FER: variants seen among roughly 807,000 people sequenced by gnomAD.
FER encodes tyrosine-protein kinase Fer.
A neutral mutation model predicts 111.0 loss-of-function variants in FER; 63 were observed. That is an observed-to-expected ratio of 0.57 (90% CI 0.46 to 0.70). FER has a LOEUF of 0.70. Ranked by LOEUF, FER falls within the 30% of genes least tolerant of loss-of-function variation. The probability of loss-of-function intolerance (pLI) is 0.00; values close to 1 mark genes in which losing one functional copy is unlikely to be tolerated. For synonymous variants in FER, 327 were observed against 313.9 expected (o/e 1.04, Z -0.44); for missense variants, 914 against 954.0 (o/e 0.96, Z 0.55).
At chr5:108,984,133 C>G (rs1762311087) in intron 13 of FER, among the ~76,000 whole-genome samples, 2 of 151,934 alleles carry the variant, frequency 1.3e-5, no homozygotes, top group African/African-American at 4.8e-5. Flanking sequence ...CTGTCCTTTC[C>G]TTTGCTTGTC....
In FER at chr5:109,193,600, G is replaced by A. The variant is rs2126913059; in HGVS notation, c.*6025G>A. ...AAGTGGAATGTTATGTTTTCGCTCAGCTGTATTCATTCAGAAAGTTTTTCT... is the reference window on the plus strand; with the variant it reads ...AAGTGGAATGTTATGTTTTCGCTCAACTGTATTCATTCAGAAAGTTTTTCT... On this transcript the variant is annotated 3_prime_UTR_variant, in exon 20 of 20. Coordinates refer to ENST00000281092, the MANE Select transcript of FER (RefSeq NM_005246.4). 6.6e-6 allele frequency: 1 copy of A among 152,276 alleles called. No homozygotes were observed. The highest frequency in any genetic ancestry group is 1.9e-4 in the East Asian group (1 of 5,188). 9.4% of individuals were successfully genotyped at this position (152,276 alleles called of 1,614,324 possible).
chr5:108,954,090 T>C (rs984472785), intron 11 of FER, among the ~76,000 whole-genome samples: 7 of 152,134 alleles, frequency 4.6e-5, no homozygotes, highest in African/African-American at 9.6e-5. Context: ...ATCTTTGCCA[T>C]GTGTTTGTAA....
chr5:109,103,931 ATTG>A, intron 17 of FER, among the ~76,000 whole-genome samples: 1 of 152,170 alleles, frequency 6.6e-6, no homozygotes, highest in East Asian at 1.9e-4. Flanking sequence ...GCTTTGTGCC[ATTG>A]TTCTTTGATA....
intron 3 of FER, among the ~76,000 whole-genome samples, chr5:108,817,822 C>G (rs964089419): frequency 6.6e-6 from 1 of 152,130 alleles, no homozygotes; most frequent in Non-Finnish European, 1.5e-5. Context: ...GTAGTTTTCT[C>G]TTTTTCAAAA....
Position 108,914,338 on chromosome 5 carries a change from C to G in FER, c.1236+16490C>G, listed in dbSNP as rs115935786. Among the ~76,000 whole-genome samples, 1,007 of 151,762 alleles carry G rather than the reference C, an allele frequency of 6.6e-3. 14 individuals are homozygous for G. The highest frequency in any genetic ancestry group is 0.023 in the African/African-American group (966 of 41,382). ...CTGGGAGAAGGAGGAGCTTTTTAAA[C>G]CATATATGCCATACTTACTTTTCTC... On this transcript the variant is annotated intron_variant, in intron 10 of 19. Coordinates refer to ENST00000281092, the MANE Select transcript of FER (RefSeq NM_005246.4).
At chr5:108,921,312 T>C (rs1752990672) in intron 10 of FER, among the ~76,000 whole-genome samples, 1 of 152,168 alleles carries the variant, frequency 6.6e-6, no homozygotes, top group African/African-American at 2.4e-5. Context: ...TGTACTTTGG[T>C]ATGTATGAAC....
chr5:108,768,645 T>C lies in FER; in HGVS notation c.-60+407T>C, dbSNP rs184105566. Among the ~76,000 whole-genome samples, 3 of 152,306 alleles carry C rather than the reference T, an allele frequency of 2.0e-5. No individual in the cohort carries two copies. The East Asian group carries it at 5.8e-4, about 29-fold the overall frequency. On this transcript the variant is annotated intron_variant, in intron 2 of 19. Coordinates refer to ENST00000281092, the MANE Select transcript of FER (RefSeq NM_005246.4). The stretch of plus-strand genomic sequence containing the variant: ...AATCTCATTGTCTAATATAATCATA[T>C]ATTCATTGATTCATTAATTCATTTG...
chr5:108,834,917 C>T (rs1287659238), intron 4 of FER, among the ~76,000 whole-genome samples: 1 of 151,968 alleles, frequency 6.6e-6, no homozygotes. Context: ...TGCTGATAAC[C>T]ACTTTTGCAA....
chr5:108,996,536 G>A (rs989661375), intron 13 of FER, among the ~76,000 whole-genome samples: 1 of 152,152 alleles, frequency 6.6e-6, no homozygotes, highest in Admixed American at 6.5e-5. Flanking sequence ...CTCATTTCTT[G>A]TTTTTGTCAG....
intron 16 of FER, among the ~76,000 whole-genome samples, chr5:109,079,875 C>G (rs1434989045): frequency 1.3e-5 from 2 of 152,086 alleles, no homozygotes; most frequent in African/African-American, 4.8e-5. Flanking sequence ...GACCCCATTT[C>G]TAGACTTAAT....
At chr5:108,880,269 G>C (rs1369444506) in intron 8 of FER, among the ~76,000 whole-genome samples, 34 of 152,118 alleles carry the variant, frequency 2.2e-4, no homozygotes, top group Admixed American at 2.2e-3. Context: ...GCAAAGGATA[G>C]AACAGAAGAA....
chr5:108,831,908 G>C (rs956367739), intron 3 of FER, among the ~76,000 whole-genome samples: 2 of 151,796 alleles, frequency 1.3e-5, no homozygotes, highest in Non-Finnish European at 2.9e-5. Flanking sequence ...CTGTGTCATA[G>C]GTCTTCAATA....
chr5:109,144,602 T>A (rs1449404030), intron 17 of FER, among the ~76,000 whole-genome samples: 1 of 152,116 alleles, frequency 6.6e-6, no homozygotes, highest in African/African-American at 2.4e-5. Flanking sequence ...TTTGGCTTGT[T>A]TTGGGGTTTT....
At chr5:108,831,128 T>C (rs1400347168) in intron 3 of FER, among the ~76,000 whole-genome samples, 1 of 152,180 alleles carries the variant, frequency 6.6e-6, no homozygotes, top group Non-Finnish European at 1.5e-5. Flanking sequence ...TGTGTGGTTT[T>C]TTGGCTTGCA....
intron 17 of FER, among the ~76,000 whole-genome samples, chr5:109,102,191 T>G (rs572905995): frequency 2.1e-4 from 32 of 152,286 alleles, no homozygotes; most frequent in African/African-American, 7.7e-4. Flanking sequence ...TAATATTATC[T>G]GCTGTAATGT....
chr5:108,868,023 G>T, intron 6 of FER, 73 bp downstream of exon 6: 1 of 1,411,508 alleles, frequency 7.1e-7, no homozygotes, highest in African/African-American at 1.4e-5. Flanking sequence ...TCTAGTTTAG[G>T]TGTTGCTTCA....
chr5:109,078,955 C>T (rs1488566563), intron 16 of FER, among the ~76,000 whole-genome samples: 2 of 152,090 alleles, frequency 1.3e-5, no homozygotes, highest in African/African-American at 2.4e-5. Context: ...AAGAAGAGAA[C>T]GTATGACATT....
intron 10 of FER, among the ~76,000 whole-genome samples, chr5:108,921,446 A>G (rs1021629639): frequency 3.3e-5 from 5 of 152,064 alleles, no homozygotes; most frequent in African/African-American, 9.7e-5. Flanking sequence ...GTTTACTACT[A>G]TTTCCTCTGC....
intron 17 of FER, among the ~76,000 whole-genome samples, chr5:109,107,201 T>C (rs1749042516): frequency 6.6e-6 from 1 of 152,228 alleles, no homozygotes; most frequent in Non-Finnish European, 1.5e-5. Flanking sequence ...TTACAATAAG[T>C]ACATTTTGGA....
Sources: allele counts gnomAD v4.1 joint callset (sites outside exome capture counted in the v4.1 genomes callset), GRCh38; gene constraint gnomAD v4.1.1; transcripts MANE v1.5; gene names NCBI Gene and HGNC (gene_info 2026-07-23, HGNC 2026-07-21).